ENTPD1: variants seen among roughly 807,000 people sequenced by gnomAD.
The protein encoded by ENTPD1 is ectonucleoside triphosphate diphosphohydrolase 1.
In ENTPD1, 33 loss-of-function variants were observed where a neutral mutation model predicts 57.0. The ratio of observed to expected loss-of-function variants is 0.58; its 90% CI spans 0.44 to 0.77. ENTPD1 has a LOEUF of 0.77. ENTPD1 is among the 30% of genes least tolerant of loss of function. The pLI, the probability that ENTPD1 is intolerant of heterozygous loss-of-function variation, is 0.00. For synonymous variants in ENTPD1, 202 were observed against 218.8 expected (o/e 0.92, Z 0.68); for missense variants, 501 against 603.4 (o/e 0.83, Z 1.78).
At chr10:95,750,612 T>C (rs1029441445) in intron 1 of ENTPD1, among the ~76,000 whole-genome samples, 1 of 152,228 alleles carries the variant, frequency 6.6e-6, no homozygotes, top group Non-Finnish European at 1.5e-5. Context: ...TATTTCTTTA[T>C]TGCAATGCAA....
upstream of ENTPD1, among the ~76,000 whole-genome samples, chr10:95,711,073 C>A (rs925109488): frequency 2.0e-5 from 3 of 152,098 alleles, no homozygotes; most frequent in African/African-American, 4.8e-5. Context: ...CATTCTCCCC[C>A]GAGAAATGGA....
chr10:95,763,385 A>G (rs1373164604), intron 1 of ENTPD1, among the ~76,000 whole-genome samples: 1 of 152,132 alleles, frequency 6.6e-6, no homozygotes, highest in Non-Finnish European at 1.5e-5. Context: ...TTTGTTTGCC[A>G]TTATAATTAA....
Position 95,837,053 on chromosome 10 carries a change from C to T in ENTPD1, c.145-2638C>T, listed in dbSNP as rs571244361. Among the ~76,000 whole-genome samples the T allele has an allele frequency of 5.3e-5, 8 of 152,330 alleles. No homozygotes were observed. In the East Asian group the frequency reaches 1.5e-3, roughly 29 times the overall value. On this transcript the variant is annotated intron_variant, in intron 2 of 9. Coordinates refer to ENST00000371205, the MANE Select transcript of ENTPD1 (RefSeq NM_001776.6). ...TCAATTTGTGTTAAAATATGCTTTA[C>T]CCCCTTCTCAAACACTTGTCAAATG... is the stretch of plus-strand genomic sequence containing the variant.
intron 3 of ENTPD1, 81 bp downstream of exon 3, chr10:95,839,889 G>C: frequency 7.1e-7 from 1 of 1,399,412 alleles, no homozygotes; most frequent in Non-Finnish European, 1.0e-6. Flanking sequence ...GAACACAAGA[G>C]AAAAAGGAGT....
intron 1 of ENTPD1, among the ~76,000 whole-genome samples, chr10:95,748,703 G>A (rs1056258996): frequency 2.0e-5 from 3 of 152,042 alleles, no homozygotes; most frequent in South Asian, 4.1e-4. Flanking sequence ...TTTTCTTTAA[G>A]TTTCTTTTAC....
chr10:95,714,469 T>C (rs1257662656), intron 1 of ENTPD1, among the ~76,000 whole-genome samples: 2 of 152,232 alleles, frequency 1.3e-5, no homozygotes, highest in Non-Finnish European at 2.9e-5. Context: ...CTGTTCTCTT[T>C]TGGAGGCATA....
chr10:95,819,174 T>C (rs971825151), intron 1 of ENTPD1, among the ~76,000 whole-genome samples: 6 of 152,166 alleles, frequency 3.9e-5, no homozygotes, highest in African/African-American at 1.4e-4. Flanking sequence ...ATTTGTTTGT[T>C]TGTTTTGGAG....
Position 95,757,348 on chromosome 10 carries a change from A to G in ENTPD1, c.16+1093A>G, listed in dbSNP as rs549481769. Among the ~76,000 whole-genome samples, 214 of 152,286 alleles carry G rather than the reference A, an allele frequency of 1.4e-3. 1 individual carries two copies. The highest frequency in any genetic ancestry group is 4.1e-3 in the South Asian group (20 of 4,826). ...CAGATGGCATAATTGAGGTACTGAG[A>G]GGATAACTTGCCTTGAGATCTCATA... On this transcript the variant is annotated intron_variant, in intron 1 of 9. Transcript: ENST00000371205.
upstream of ENTPD1, chr10:95,756,137 T>G: frequency 3.1e-5 from 48 of 1,551,524 alleles, no homozygotes; most frequent in Non-Finnish European, 4.1e-5. Flanking sequence ...GTCTGTTATA[T>G]CTCTGTTTCC....
chr10:95,772,353 A>G (rs2098118574), intron 1 of ENTPD1, among the ~76,000 whole-genome samples: 1 of 152,224 alleles, frequency 6.6e-6, no homozygotes, highest in South Asian at 2.1e-4. Context: ...ACTTCTTTCA[A>G]AATTGGAGTC....
At chr10:95,820,538 C>T (rs1332887779) in intron 1 of ENTPD1, among the ~76,000 whole-genome samples, 1 of 152,172 alleles carries the variant, frequency 6.6e-6, no homozygotes, top group Admixed American at 6.5e-5. Flanking sequence ...AGTTGGTTCC[C>T]ACCTCTGGGT....
chr10:95,764,406 A>C (rs2140029658), intron 1 of ENTPD1, among the ~76,000 whole-genome samples: 1 of 152,308 alleles, frequency 6.6e-6, no homozygotes, highest in Non-Finnish European at 1.5e-5. Flanking sequence ...TTATATACCT[A>C]GGAGCAAAAT....
intron 1 of ENTPD1, among the ~76,000 whole-genome samples, chr10:95,771,271 T>G (rs1031993792): frequency 1.3e-5 from 2 of 152,210 alleles, no homozygotes; most frequent in African/African-American, 2.4e-5. Flanking sequence ...CCAGTTACTT[T>G]CCAAATTATT....
At chr10:95,719,207 TG>T (rs763344019) in intron 1 of ENTPD1, among the ~76,000 whole-genome samples, 2 of 152,244 alleles carry the variant, frequency 1.3e-5, no homozygotes, top group African/African-American at 2.4e-5. Flanking sequence ...GGTTGCAAGC[TG>T]GTCTCTCGGA....
At chr10:95,828,796 T>C (rs1291829814) in intron 2 of ENTPD1, among the ~76,000 whole-genome samples, 1 of 151,242 alleles carries the variant, frequency 6.6e-6, no homozygotes, top group Non-Finnish European at 1.5e-5. Context: ...CCGCAATCTC[T>C]GCCTCCCAGG....
rs987866437 is a variant in ENTPD1 at position 95,874,469 on chromosome 10, C to T, written c.*8086C>T. On this transcript the variant is annotated 3_prime_UTR_variant, in exon 10 of 10. Transcript: ENST00000371205. ...TCCGCCCCTGTGGCTTTGCAGAGTACAGCCTCCCTCCTGGCTGCTTTCTCA... is the reference window on the plus strand; with the variant it reads ...TCCGCCCCTGTGGCTTTGCAGAGTATAGCCTCCCTCCTGGCTGCTTTCTCA... 2.0e-5 allele frequency among the ~76,000 whole-genome samples: 3 copies of T among 152,218 alleles called. No individual in the cohort carries two copies. The highest frequency in any genetic ancestry group is 7.2e-5 in the African/African-American group (3 of 41,452).
At chr10:95,813,274 C>CTA (rs1223926318) in intron 1 of ENTPD1, among the ~76,000 whole-genome samples, 12 of 152,078 alleles carry the variant, frequency 7.9e-5, no homozygotes, top group Admixed American at 6.5e-4. Context: ...ATTCAATAAG[C>CTA]TATAGAAGGA....
intron 7 of ENTPD1, among the ~76,000 whole-genome samples, chr10:95,855,693 T>C (rs2098453314): frequency 1.3e-5 from 2 of 152,228 alleles, no homozygotes; most frequent in African/African-American, 4.8e-5. Flanking sequence ...CCTTCACTTA[T>C]GAAGCTTAGG....
chr10:95,841,044 TC>T lies in ENTPD1; in HGVS notation c.262+1239del, dbSNP rs1250061900. ...CTTCTGGCCTTTCTTAAAGCCCAAA[TC>T]CCTCATTTTATTGGCTTTTATTTGA... is the stretch of plus-strand genomic sequence containing the variant. On this transcript the variant is annotated intron_variant, in intron 3 of 9. Transcript: ENST00000371205. 2.0e-5 allele frequency among the ~76,000 whole-genome samples: 3 copies of T among 152,280 alleles called. No homozygotes were observed. The South Asian group carries it at 6.2e-4, about 32-fold the overall frequency.
Sources: allele counts gnomAD v4.1 joint callset (sites outside exome capture counted in the v4.1 genomes callset), GRCh38; gene constraint gnomAD v4.1.1; transcripts MANE v1.5; gene names NCBI Gene and HGNC (gene_info 2026-07-23, HGNC 2026-07-21).